CA8: variants seen among roughly 807,000 people sequenced by gnomAD.
The protein encoded by CA8 is carbonic anhydrase-related protein.
Under a neutral mutation model 41.4 loss-of-function variants are expected in CA8, and 22 were observed. The observed-to-expected ratio is 0.53, with a 90% CI of 0.38 to 0.76. The LOEUF (loss-of-function observed/expected upper bound fraction) is 0.76, where lower values mean the gene tolerates loss of function less well. Ranked by LOEUF, CA8 falls within the 30% of genes least tolerant of loss-of-function variation. The pLI is 0.00. For synonymous variants in CA8, 121 were observed against 130.6 expected (o/e 0.93, Z 0.50); for missense variants, 270 against 352.8 (o/e 0.77, Z 1.88).
intron 2 of CA8, among the ~76,000 whole-genome samples, chr8:60,272,204 T>C (rs1283750210): frequency 1.3e-5 from 2 of 152,156 alleles, no homozygotes; most frequent in African/African-American, 4.8e-5. Context: ...ATTCTGTAGA[T>C]TGCATCGCAG....
chr8:60,263,133 G>A (rs1332096385), intron 3 of CA8, among the ~76,000 whole-genome samples: 1 of 152,076 alleles, frequency 6.6e-6, no homozygotes, highest in African/African-American at 2.4e-5. Context: ...CTGAGGTCAG[G>A]AGTTCGAGAC....
chr8:60,190,938 C>CTATATATATATA (rs35486936), intron 8 of CA8, among the ~76,000 whole-genome samples: 12 of 117,332 alleles, frequency 1.0e-4, no homozygotes, highest in African/African-American at 3.8e-4. Context: ...CACACACACA[C>CTATATATATATA]TATATATATA....
intron 2 of CA8, among the ~76,000 whole-genome samples, chr8:60,269,975 G>A (rs962038910): frequency 6.6e-6 from 1 of 152,166 alleles, no homozygotes; most frequent in Non-Finnish European, 1.5e-5. Flanking sequence ...GAGGTGAAAA[G>A]TGCATGGAGA....
chr8:60,243,026 A>G (rs1808094787), intron 3 of CA8, among the ~76,000 whole-genome samples: 1 of 152,244 alleles, frequency 6.6e-6, no homozygotes, highest in East Asian at 1.9e-4. Flanking sequence ...AAATGTCTCC[A>G]GAAGTGAGGA....
At chr8:60,245,979 A>G (rs1008721937) in intron 3 of CA8, among the ~76,000 whole-genome samples, 11 of 152,206 alleles carry the variant, frequency 7.2e-5, no homozygotes, top group Non-Finnish European at 1.5e-4. Context: ...ATCAATGGCC[A>G]AAGTGCTTTT....
chr8:60,192,189 C>T (rs957136871), intron 8 of CA8, among the ~76,000 whole-genome samples: 1 of 148,992 alleles, frequency 6.7e-6, no homozygotes, highest in African/African-American at 2.5e-5. Context: ...ACTGCAAATA[C>T]CAGATTAACT....
At chr8:60,278,546 T>A (rs1205807984) in intron 2 of CA8, among the ~76,000 whole-genome samples, 1 of 152,168 alleles carries the variant, frequency 6.6e-6, no homozygotes, top group African/African-American at 2.4e-5. Context: ...CAGTAAGTAA[T>A]GTCCCATCAA....
chr8:60,242,398 C>T (rs1419732147), intron 3 of CA8, among the ~76,000 whole-genome samples: 1 of 152,158 alleles, frequency 6.6e-6, no homozygotes, highest in Non-Finnish European at 1.5e-5. Context: ...ATACAGCAAA[C>T]AAGTGACAGA....
At chr8:60,252,334 T>G (rs1190567585) in intron 3 of CA8, among the ~76,000 whole-genome samples, 1 of 152,170 alleles carries the variant, frequency 6.6e-6, no homozygotes, top group African/African-American at 2.4e-5. Flanking sequence ...TGGTGTTGCC[T>G]CGGAAACTCA....
intron 7 of CA8, among the ~76,000 whole-genome samples, chr8:60,220,189 T>G (rs979539974): frequency 6.6e-6 from 1 of 152,108 alleles, no homozygotes; most frequent in Admixed American, 6.5e-5. Flanking sequence ...AAGGCGTTCA[T>G]CATGGTAGGG....
chr8:60,209,092 C>T (rs187250889), intron 7 of CA8, among the ~76,000 whole-genome samples, 173 bp from the exon 8 acceptor site: 3 of 151,146 alleles, frequency 2.0e-5, no homozygotes, highest in African/African-American at 7.4e-5. Flanking sequence ...AGACCTAAGA[C>T]GTTAGAGAGG....
chr8:60,191,479 C>A (rs1207684110), intron 8 of CA8, among the ~76,000 whole-genome samples: 2 of 152,008 alleles, frequency 1.3e-5, no homozygotes, highest in African/African-American at 4.8e-5. Flanking sequence ...AAAACGAATC[C>A]ATGTTAAAAA....
intron 2 of CA8, among the ~76,000 whole-genome samples, chr8:60,267,500 T>C (rs962446515): frequency 2.0e-5 from 3 of 152,234 alleles, no homozygotes; most frequent in Non-Finnish European, 2.9e-5. Flanking sequence ...ATTTTAGTGT[T>C]TGTCCTCATG....
intron 3 of CA8, 153 bp from the exon 4 acceptor site, chr8:60,232,532 C>T: frequency 1.4e-6 from 1 of 705,444 alleles, no homozygotes; most frequent in Admixed American, 2.0e-5. Context: ...AATACGAGTT[C>T]TCTGTATGAA....
rs1806014235 is a variant in CA8, at chr8:60,188,163, T to C, written c.*1858A>G. On this transcript the variant is annotated 3_prime_UTR_variant, in exon 9 of 9. Transcript: ENST00000317995. ...TAAATAAATTCAAATTGCTTCAATA[T>C]ACAGACATAAACACACATACACACA... The C allele has an allele frequency of 6.6e-6, 1 of 152,206 alleles. No individual in the cohort carries two copies. The highest frequency in any genetic ancestry group is 1.5e-5 in the Non-Finnish European group (1 of 68,040). 9.4% of individuals were successfully genotyped at this position (152,206 alleles called of 1,614,324 possible). A position where few individuals can be genotyped will look rare whatever the true frequency, so the allele number is the denominator to read the frequency against.
At chr8:60,250,286 G>C (rs767741064) in intron 3 of CA8, among the ~76,000 whole-genome samples, 1 of 131,174 alleles carries the variant, frequency 7.6e-6, no homozygotes, top group Non-Finnish European at 1.5e-5. Flanking sequence ...GCCCTTTCCT[G>C]GGCATTTCCA....
chr8:60,261,251 A>AT (rs1008539860), intron 3 of CA8, among the ~76,000 whole-genome samples: 1 of 152,034 alleles, frequency 6.6e-6, no homozygotes, highest in African/African-American at 2.4e-5. Context: ...TGTACAATGA[A>AT]TTTTTTTTCT....
intron 1 of CA8, 69 bp downstream of exon 1, chr8:60,280,979 G>A (rs1804401637): frequency 3.5e-6 from 4 of 1,153,694 alleles, no homozygotes; most frequent in Non-Finnish European, 5.2e-6. Context: ...AGCAGGACTC[G>A]AGTCCCGCGC....
chr8:60,242,042 T>C (rs1402113383), intron 3 of CA8, among the ~76,000 whole-genome samples: 1 of 152,200 alleles, frequency 6.6e-6, no homozygotes, highest in Non-Finnish European at 1.5e-5. Context: ...TCTAGGGTTT[T>C]AGTGTTCACT....
Sources: allele counts gnomAD v4.1 joint callset (sites outside exome capture counted in the v4.1 genomes callset), GRCh38; gene constraint gnomAD v4.1.1; transcripts MANE v1.5; gene names NCBI Gene and HGNC (gene_info 2026-07-23, HGNC 2026-07-21).